The following SP1 variants were observed in gnomAD, a reference collection of about 807,000 sequenced individuals.
SP1 encodes the protein Sp1 transcription factor, also known as transcription factor Sp1.
In SP1, 6 loss-of-function variants were observed where a neutral mutation model predicts 66.3. The ratio of observed to expected loss-of-function variants is 0.09; its 90% CI spans 0.05 to 0.18. The LOEUF (loss-of-function observed/expected upper bound fraction) is 0.18. Ranked by LOEUF, SP1 falls within the 10% of genes least tolerant of loss-of-function variation. The probability of loss-of-function intolerance (pLI) is 1.00; values close to 1 mark genes in which losing one functional copy is unlikely to be tolerated. For missense variants in SP1, 848 were observed against 964.5 expected (o/e 0.88, Z 1.60); for synonymous variants, 417 against 360.8 (o/e 1.16, Z -1.77).
chr12:53,399,421 C>G (rs1194985900), intron 3 of SP1, among the ~76,000 whole-genome samples: 1 of 151,212 alleles, frequency 6.6e-6, no homozygotes, highest in Non-Finnish European at 1.5e-5. Flanking sequence ...GCAAGCTCCG[C>G]CTCGCGAGTT....
At chr12:53,401,416 A>T (rs1204030882) in intron 3 of SP1, among the ~76,000 whole-genome samples, 1 of 142,560 alleles carries the variant, frequency 7.0e-6, no homozygotes, top group African/African-American at 2.6e-5. Context: ...GCGCCATTGC[A>T]CTCCAGCCTG....
intron 3 of SP1, among the ~76,000 whole-genome samples, chr12:53,391,598 C>T (rs1938353800): frequency 6.6e-6 from 1 of 152,054 alleles, no homozygotes; most frequent in Non-Finnish European, 1.5e-5. Context: ...GCTGGGATTA[C>T]AGGTGTGAGC....
chr12:53,386,464 C>T (rs1938231385), intron 3 of SP1, among the ~76,000 whole-genome samples: 1 of 145,734 alleles, frequency 6.9e-6, no homozygotes, highest in Non-Finnish European at 1.5e-5. Flanking sequence ...AGATGTAAGT[C>T]TATGTAGACT....
At chr12:53,406,332 G>C (rs1938738442) in intron 3 of SP1, among the ~76,000 whole-genome samples, 1 of 152,058 alleles carries the variant, frequency 6.6e-6, no homozygotes, top group South Asian at 2.1e-4. Flanking sequence ...GCCTCCCAAA[G>C]TGATGGAATT....
intron 3 of SP1, among the ~76,000 whole-genome samples, chr12:53,406,065 C>CTTTTTTTTT (rs1170832065): frequency 3.0e-4 from 25 of 82,414 alleles, no homozygotes; most frequent in Non-Finnish European, 4.7e-4. Context: ...TATTTTCTTT[C>CTTTTTTTTT]TTTTTTTTTT....
intron 5 of SP1, among the ~76,000 whole-genome samples, chr12:53,409,854 A>G (rs1938837959): frequency 6.6e-6 from 1 of 151,982 alleles, no homozygotes; most frequent in African/African-American, 2.4e-5. Context: ...CTAAATATAC[A>G]AAAAAATTAG....
rs985070894 is a variant in SP1 at position 53,380,220 on chromosome 12, G to A, written c.-72G>A. 6.7e-6 allele frequency: 8 copies of A among 1,186,500 alleles called. No homozygotes were observed. In the Admixed American group the frequency reaches 7.0e-5, roughly 10 times the overall value. 73.5% of individuals were successfully genotyped at this position (1,186,500 alleles called of 1,614,324 possible). ...GTCCGGGTTCGCTTGCCTCGTCAGC[G>A]TCCGCGTTTTTCCCGGCCCCCCCCA... is the stretch of plus-strand genomic sequence containing the variant. On this transcript the variant is annotated 5_prime_UTR_variant, in exon 1 of 6. Transcript: ENST00000327443.
At chr12:53,380,847 C>A (rs1241489097) in intron 1 of SP1, among the ~76,000 whole-genome samples, 1 of 150,912 alleles carries the variant, frequency 6.6e-6, no homozygotes, top group South Asian at 2.1e-4. Flanking sequence ...ACCTGTAGAT[C>A]CCTTTAGTTC....
At chr12:53,391,715 C>A (rs1938357433) in intron 3 of SP1, among the ~76,000 whole-genome samples, 1 of 151,438 alleles carries the variant, frequency 6.6e-6, no homozygotes, top group South Asian at 2.1e-4. Flanking sequence ...CGGTCATGAG[C>A]ATAGCAACCC....
chr12:53,398,313 C>CGG (rs1053719884), intron 3 of SP1, among the ~76,000 whole-genome samples: 1 of 152,134 alleles, frequency 6.6e-6, no homozygotes, highest in African/African-American at 2.4e-5. Flanking sequence ...GACAGAGTCT[C>CGG]GCTCTGTCTC....
At chr12:53,397,949 A>G (rs908465143) in intron 3 of SP1, among the ~76,000 whole-genome samples, 8 of 152,164 alleles carry the variant, frequency 5.3e-5, no homozygotes, top group Non-Finnish European at 7.4e-5. Context: ...ACACTTTTTA[A>G]CATTGCTACT....
chr12:53,401,211 C>T (rs925338624), intron 3 of SP1, among the ~76,000 whole-genome samples: 4 of 151,796 alleles, frequency 2.6e-5, no homozygotes, highest in Non-Finnish European at 5.9e-5. Context: ...AGCACCTTGG[C>T]AGGCCAAGGC....
intron 3 of SP1, among the ~76,000 whole-genome samples, chr12:53,391,174 G>A (rs1462124587): frequency 1.3e-5 from 2 of 152,000 alleles, no homozygotes; most frequent in Non-Finnish European, 2.9e-5. Context: ...TGTTACAATA[G>A]TATTATTATC....
chr12:53,381,033 C>T (rs559683635), intron 1 of SP1, among the ~76,000 whole-genome samples: 19 of 140,358 alleles, frequency 1.4e-4, no homozygotes, highest in East Asian at 1.1e-3. Context: ...CTCACTGCAA[C>T]CTCTGCCTCC....
chr12:53,381,781 G>C lies in SP1; in HGVS notation c.130G>C (p.Gly44Arg). The change falls in exon 2 of 6, where the codon GGC becomes CGC. Residue 44 changes from glycine to arginine, a missense_variant. Physicochemically the swap from Gly to Arg is moderately radical, Grantham distance 125 (BLOSUM62 -2). Around this residue, in one of 7 missense-constraint regions of SP1, gnomAD observed 84 missense variants for 73.9 expected, o/e 1.14. Coordinates refer to ENST00000327443, the MANE Select transcript of SP1 (RefSeq NM_138473.3). Reference protein sequence around the residue: ...AFSQARSSSTGSSSSTGGGGQ... With the variant: ...AFSQARSSSTRSSSSTGGGGQ... ...TTCACAGGCTCGAAGTAGCAGCACA[G>C]GCAGTAGCAGCAGCACTGGAGGAGG... The C allele has an allele frequency of 1.2e-6, 2 of 1,614,094 alleles. No homozygotes were observed. The highest frequency in any genetic ancestry group is 1.7e-6 in the Non-Finnish European group (2 of 1,180,014).
rs1491292788 is a variant in SP1 at position 53,412,928 on chromosome 12, C to CTGTG, written c.*1689_*1690insGTGT. 1 of 116,900 alleles carries CTGTG rather than the reference C, an allele frequency of 8.6e-6. No individual in the cohort carries two copies. Among genetic ancestry groups the CTGTG allele is most frequent in the Non-Finnish European group, 1.7e-5 (1 of 58,600 alleles). 7.2% of individuals were successfully genotyped at this position (116,900 alleles called of 1,614,324 possible). ...ACTGTGAGGAAGTGTGGAAAAATAG[C>CTGTG]TCTGTGTGTGTGTGTGTGTGTGTGT... On this transcript the variant is annotated 3_prime_UTR_variant, in exon 6 of 6. Coordinates refer to ENST00000327443, the MANE Select transcript of SP1 (RefSeq NM_138473.3).
chr12:53,391,309 C>CT, intron 3 of SP1, among the ~76,000 whole-genome samples: 1 of 148,488 alleles, frequency 6.7e-6, no homozygotes, highest in East Asian at 2.0e-4. Flanking sequence ...AATTATTTCC[C>CT]TTAGAAGACT....
rs1938954236 is a variant in SP1, at chr12:53,414,346, T to C, written c.*3106T>C. ...ACATGTCATTTGACTGTCTCACTTT[T>C]TACCCAGAACAGTAACAACCCACAC... On this transcript the variant is annotated 3_prime_UTR_variant, in exon 6 of 6. Transcript: ENST00000327443. The C allele has an allele frequency of 6.6e-6, 1 of 152,630 alleles. No individual in the cohort carries two copies. The highest frequency in any genetic ancestry group is 1.5e-5 in the Non-Finnish European group (1 of 68,044). The allele number at this position is 152,630 out of a possible 1,614,324, so 9.5% of individuals were successfully genotyped here.
Position 53,410,945 on chromosome 12 carries a change from G to T in SP1, c.2063G>T (p.Cys688Phe). ...RTHTGEKKFA[C>F]PECPKRFMRS... ...TACCTAGGTGAGAAGAAATTTGCCTGCCCTGAGTGTCCTAAGCGCTTCATG... is the reference window on the plus strand; with the variant it reads ...TACCTAGGTGAGAAGAAATTTGCCTTCCCTGAGTGTCCTAAGCGCTTCATG... Residue 688 changes from cysteine to phenylalanine, a missense_variant, in exon 6 of 6, where the codon TGC becomes TTC. Around this residue, in one of 7 missense-constraint regions of SP1, gnomAD observed 39 missense variants for 124.2 expected, o/e 0.31. Coordinates refer to ENST00000327443, the MANE Select transcript of SP1 (RefSeq NM_138473.3). The T allele has an allele frequency of 6.2e-7, 1 of 1,613,056 alleles. No individual in the cohort carries two copies.
Sources: allele counts gnomAD v4.1 joint callset (sites outside exome capture counted in the v4.1 genomes callset), GRCh38; gene constraint gnomAD v4.1.1; regional missense constraint gnomAD v4.1.1; transcripts MANE v1.5; gene names NCBI Gene and HGNC (gene_info 2026-07-23, HGNC 2026-07-21).